Variants in STKLD1 observed in about 807,000 individuals in gnomAD.
STKLD1 encodes the protein serine/threonine kinase like domain containing 1, also known as serine/threonine kinase-like domain-containing protein STKLD1.
A neutral mutation model predicts 80.4 loss-of-function variants in STKLD1; 79 were observed. The observed-to-expected ratio is 0.98, with a 90% CI of 0.82 to 1.19. STKLD1 has a LOEUF of 1.19. Among genes scored for constraint, STKLD1 ranks in the 50% most tolerant of loss-of-function variants. The pLI is 0.00. For synonymous variants in STKLD1, 393 were observed against 357.6 expected (o/e 1.10, Z -1.12); for missense variants, 841 against 856.0 (o/e 0.98, Z 0.22).
At position 133,393,217 on chromosome 9, in the gene STKLD1, T is replaced by C. The variant is rs1838455339; in HGVS notation, c.584-1074T>C. Among the ~76,000 whole-genome samples the C allele has an allele frequency of 1.6e-5, 2 of 123,416 alleles. 1 individual carries two copies. Among genetic ancestry groups the C allele is most frequent in the South Asian group, 5.5e-4 (2 of 3,622 alleles). 81.0% of individuals were successfully genotyped at this position (123,416 alleles called of 152,430 possible). A position where few individuals can be genotyped will look rare whatever the true frequency, so the allele number is the denominator to read the frequency against. ...ATGGATGGATGGATGGATGGATGGA[T>C]GGATGGATGGTTGGACGGATGGATG... is the stretch of plus-strand genomic sequence containing the variant. On this transcript the variant is annotated intron_variant, in intron 7 of 17. Coordinates refer to ENST00000371957, the MANE Select transcript of STKLD1 (RefSeq NM_153710.5).
Position 133,389,435 on chromosome 9 carries a change from A to G in STKLD1, c.397-91A>G. The G allele has an allele frequency of 6.5e-7, 1 of 1,542,632 alleles. No homozygotes were observed. The highest frequency in any genetic ancestry group is 8.7e-7 in the Non-Finnish European group (1 of 1,143,418). On this transcript the variant is annotated intron_variant, in intron 5 of 17. Coordinates refer to ENST00000371957, the MANE Select transcript of STKLD1 (RefSeq NM_153710.5). The surrounding 1 kb of genome is among the most constrained non-coding windows in gnomAD (Gnocchi z 6.4). ...GTCTCAAGATGCAAGGAGAGGATACACCACCATCCTGCTGGCTGCTCTGAG... is the reference window on the plus strand; with the variant it reads ...GTCTCAAGATGCAAGGAGAGGATACGCCACCATCCTGCTGGCTGCTCTGAG...
chr9:133,388,996 G>C (rs1838324837), intron 5 of STKLD1: 1 of 985,264 alleles, frequency 1.0e-6, no homozygotes, highest in African/African-American at 1.7e-5. Flanking sequence ...GCCCCTCTCT[G>C]ACACCCCAGG....
chr9:133,405,229 G>A (rs1554778482), intron 17 of STKLD1, 23 bp from the exon 18 acceptor site: 2 of 1,580,634 alleles, frequency 1.3e-6, no homozygotes, highest in Non-Finnish European at 1.7e-6. Context: ...TCTGGCCTCA[G>A]GACCTTCCTG....
At chr9:133,382,221 T>A (rs2130267930) in intron 2 of STKLD1, among the ~76,000 whole-genome samples, 1 of 152,242 alleles carries the variant, frequency 6.6e-6, no homozygotes, top group Non-Finnish European at 1.5e-5. Flanking sequence ...AGATTGATGC[T>A]TTCCCAACCA....
chr9:133,390,234 CA>C lies in STKLD1; in HGVS notation c.468-446del. Among the ~76,000 whole-genome samples, 1 of 147,184 alleles carries C rather than the reference CA, an allele frequency of 6.8e-6. No homozygotes were observed. The highest frequency in any genetic ancestry group is 2.7e-5 in the African/African-American group (1 of 37,626). On this transcript the variant is annotated intron_variant, in intron 6 of 17. Coordinates refer to ENST00000371957, the MANE Select transcript of STKLD1 (RefSeq NM_153710.5). This position sits in a 1 kb window ranked among gnomAD's most constrained non-coding sequence, Gnocchi z 5.1. ...ACACACACACACACACACACACACA[CA>C]CACACACACACACACACCACGCAGA...
Position 133,397,143 on chromosome 9 carries a change from C to G in STKLD1, c.867-21C>G, listed in dbSNP as rs782718089. 2.5e-6 allele frequency: 4 copies of G among 1,613,508 alleles called. No individual in the cohort carries two copies. In the South Asian group the frequency reaches 4.4e-5, roughly 18 times the overall value. ...CAGGGGGCGCTGCTGGGTTACTCAG[C>G]CCTCTCTGCTCCTCTGCTAGGGACG... On this transcript the variant is annotated intron_variant, in intron 9 of 17. Transcript: ENST00000371957.
chr9:133,387,575 G>A (rs1325135740), intron 5 of STKLD1, 27 bp downstream of exon 5: 1 of 1,580,192 alleles, frequency 6.3e-7, no homozygotes, highest in Admixed American at 1.7e-5. Context: ...CACCAGGCCT[G>A]GGGGCCACCT....
chr9:133,380,541 C>T (rs1838105414), intron 2 of STKLD1, among the ~76,000 whole-genome samples: 1 of 152,080 alleles, frequency 6.6e-6, no homozygotes. Context: ...ATAGTCCCAG[C>T]TACTTGGGAG....
chr9:133,376,693 G>T (rs1837969322), intron 1 of STKLD1, 133 bp downstream of exon 1: 2 of 735,046 alleles, frequency 2.7e-6, no homozygotes, highest in Non-Finnish European at 2.1e-6. Context: ...GCAGCTCCTA[G>T]GTTGAACCCG....
At chr9:133,401,143 CTT>C (rs5901013) in intron 12 of STKLD1, among the ~76,000 whole-genome samples, 19 of 137,918 alleles carry the variant, frequency 1.4e-4, no homozygotes, top group East Asian at 2.1e-4. Flanking sequence ...TATTTAGTTA[CTT>C]TTTTTTTTTT....
chr9:133,404,529 G>A (rs981676196), intron 16 of STKLD1, among the ~76,000 whole-genome samples: 1 of 152,190 alleles, frequency 6.6e-6, no homozygotes, highest in Non-Finnish European at 1.5e-5. Context: ...TCATGGTCTT[G>A]ACCTCTGTAC....
At chr9:133,379,910 C>G (rs1323923141) in intron 2 of STKLD1, among the ~76,000 whole-genome samples, 2 of 152,262 alleles carry the variant, frequency 1.3e-5, no homozygotes, top group African/African-American at 2.4e-5. Context: ...CGCAGTCTCA[C>G]CCTGTATGGC....
Position 133,401,827 on chromosome 9 carries a change from G to A in STKLD1, c.1288G>A (p.Glu430Lys), listed in dbSNP as rs1838714300. The change falls in exon 13 of 18, where the codon GAG becomes AAG. Residue 430 changes from glutamate to lysine, a missense_variant. Transcript: ENST00000371957. ...TGCTCTTCAGAGCCACCCCGAGGAG[G>A]AGCCACTTCTTGTCATGGTCTACAG... ...LSALQSHPEE[E>K]PLLVMVYSLL... The A allele has an allele frequency of 1.9e-6, 3 of 1,613,720 alleles. No individual in the cohort carries two copies. The highest frequency in any genetic ancestry group is 4.5e-5 in the East Asian group (2 of 44,870).
Position 133,385,912 on chromosome 9 carries a change from C to T in STKLD1, c.294+221C>T, listed in dbSNP as rs1314436222. Among the ~76,000 whole-genome samples the T allele has an allele frequency of 1.3e-5, 2 of 151,596 alleles. No homozygotes were observed. Among genetic ancestry groups the T allele is most frequent in the East Asian group, 1.9e-4 (1 of 5,170 alleles). On this transcript the variant is annotated intron_variant, in intron 4 of 17. Coordinates refer to ENST00000371957, the MANE Select transcript of STKLD1 (RefSeq NM_153710.5). This position sits in a 1 kb window ranked among gnomAD's most constrained non-coding sequence, Gnocchi z 4.9. ...CTCATAGGAGCCCCAAAAACCTCAT[C>T]GTCAGGAGAGTTTTTTTTTTTTTTG...
chr9:133,378,962 G>T, intron 1 of STKLD1, 74 bp from the exon 2 acceptor site: 1 of 1,352,662 alleles, frequency 7.4e-7, no homozygotes, highest in Non-Finnish European at 1.0e-6. Context: ...GCCAGAAAAG[G>T]AGTTGGAGCT....
intron 13 of STKLD1, 56 bp downstream of exon 13, chr9:133,401,934 G>A (rs1838717724): frequency 1.3e-6 from 2 of 1,597,806 alleles, no homozygotes; most frequent in Non-Finnish European, 1.7e-6. Context: ...CCCTTCCCAG[G>A]GGTCTTGGAA....
chr9:133,394,101 G>A lies in STKLD1; in HGVS notation c.584-190G>A, dbSNP rs587747229. On this transcript the variant is annotated intron_variant, in intron 7 of 17. Transcript: ENST00000371957. This position sits in a 1 kb window ranked among gnomAD's most constrained non-coding sequence, Gnocchi z 4.9. ...TCCAGATCAACACAAAGCTCCCGCT[G>A]ATTGGGGCCTCTTCCTCCCCACAGT... The A allele has an allele frequency of 3.4e-5, 21 of 625,398 alleles. No homozygotes were observed. In the African/African-American group the frequency reaches 3.6e-4, roughly 11 times the overall value. The allele number at this position is 625,398 out of a possible 1,614,324, so 38.7% of individuals were successfully genotyped here.
rs782681590 is a variant in STKLD1 at position 133,400,402 on chromosome 9, C to T, written c.1082-11C>T. The T allele has an allele frequency of 1.2e-6, 2 of 1,606,950 alleles. No individual in the cohort carries two copies. The highest frequency in any genetic ancestry group is 1.3e-5 in the African/African-American group (1 of 74,848). On this transcript the variant is annotated splice_polypyrimidine_tract_variant and intron_variant, in intron 11 of 17. Transcript: ENST00000371957. ...CAAAATGAGTCTCCCCTGTGCCGCC[C>T]GCCCTGCCAGGTCTGCCGTGGCCCC...
intron 12 of STKLD1, among the ~76,000 whole-genome samples, chr9:133,401,211 T>G (rs1838697725): frequency 6.6e-6 from 1 of 150,924 alleles, no homozygotes; most frequent in Non-Finnish European, 1.5e-5. Context: ...CACTCTCGGC[T>G]CAATGCAACC....
Sources: allele counts gnomAD v4.1 joint callset (sites outside exome capture counted in the v4.1 genomes callset), GRCh38; gene constraint gnomAD v4.1.1; non-coding constraint Gnocchi (gnomAD v3.1); transcripts MANE v1.5; gene names NCBI Gene and HGNC (gene_info 2026-07-23, HGNC 2026-07-21).